The following DAAM1 variants were observed in gnomAD, a reference collection of about 807,000 sequenced individuals.
DAAM1 encodes dishevelled associated activator of morphogenesis 1, also known as disheveled-associated activator of morphogenesis 1.
Under a neutral mutation model 130.0 loss-of-function variants are expected in DAAM1, and 52 were observed. That is an observed-to-expected ratio of 0.40 (90% confidence interval 0.32 to 0.50). The LOEUF is 0.50. Ranked by LOEUF, DAAM1 falls within the 20% of genes least tolerant of loss-of-function variation. DAAM1 has a pLI of 0.61. For missense variants in DAAM1, 1,134 were observed against 1,303.8 expected (o/e 0.87, Z 2.01); for synonymous variants, 452 against 444.5 (o/e 1.02, Z -0.21).
At chr14:59,327,444 T>C (rs891211464) in intron 12 of DAAM1, among the ~76,000 whole-genome samples, 12 of 139,546 alleles carry the variant, frequency 8.6e-5, no homozygotes, top group African/African-American at 3.0e-4. Flanking sequence ...AGTCTTGCTC[T>C]GTCACCCAGG....
chr14:59,310,051 G>A (rs1884520603), intron 3 of DAAM1, among the ~76,000 whole-genome samples: 1 of 151,260 alleles, frequency 6.6e-6, no homozygotes, highest in Non-Finnish European at 1.5e-5. Flanking sequence ...AATGTTTGTT[G>A]TATTCATTAG....
At chr14:59,274,678 A>T (rs553930910) in intron 2 of DAAM1, among the ~76,000 whole-genome samples, 4 of 152,198 alleles carry the variant, frequency 2.6e-5, no homozygotes, top group Admixed American at 6.5e-5. Context: ...GTATGCATGC[A>T]TGCATGAATT....
At chr14:59,193,819 G>A (rs899785658) in intron 1 of DAAM1, among the ~76,000 whole-genome samples, 4 of 152,158 alleles carry the variant, frequency 2.6e-5, no homozygotes, top group Non-Finnish European at 5.9e-5. Flanking sequence ...TCTAGCTCAG[G>A]TGCCACAGCT....
intron 1 of DAAM1, among the ~76,000 whole-genome samples, chr14:59,239,617 G>A (rs1030756074): frequency 1.3e-5 from 2 of 151,878 alleles, no homozygotes; most frequent in African/African-American, 2.4e-5. Context: ...GTGTTTTGTC[G>A]TATGCTTCCC....
intron 22 of DAAM1, among the ~76,000 whole-genome samples, chr14:59,361,796 G>A (rs766875818): frequency 1.3e-5 from 2 of 152,158 alleles, no homozygotes; most frequent in Non-Finnish European, 2.9e-5. Flanking sequence ...TGCTCTGGGT[G>A]AAGGAGACGG....
intron 1 of DAAM1, among the ~76,000 whole-genome samples, chr14:59,203,158 A>ATTT (rs57437992): frequency 4.6e-5 from 5 of 108,114 alleles, no homozygotes; most frequent in African/African-American, 6.9e-5. Context: ...CTTCTGGCTA[A>ATTT]TTTTTTTTTT....
chr14:59,242,025 G>T (rs968156438), intron 1 of DAAM1, among the ~76,000 whole-genome samples: 2 of 152,090 alleles, frequency 1.3e-5, no homozygotes, highest in African/African-American at 4.8e-5. Flanking sequence ...TATTTCATTA[G>T]GTGTTAAAAC....
chr14:59,361,678 C>T (rs924831116), intron 22 of DAAM1, among the ~76,000 whole-genome samples: 7 of 152,190 alleles, frequency 4.6e-5, no homozygotes, highest in Non-Finnish European at 1.0e-4. Flanking sequence ...CAGTGCCCTG[C>T]GGGTACTCTG....
intron 2 of DAAM1, among the ~76,000 whole-genome samples, chr14:59,278,280 G>A (rs1883057470): frequency 6.6e-6 from 1 of 152,124 alleles, no homozygotes; most frequent in Non-Finnish European, 1.5e-5. Flanking sequence ...AAGATCATCT[G>A]CTGCGGGTGA....
At chr14:59,204,817 A>AG (rs1462798194) in intron 1 of DAAM1, among the ~76,000 whole-genome samples, 1 of 152,202 alleles carries the variant, frequency 6.6e-6, no homozygotes, top group Non-Finnish European at 1.5e-5. Context: ...GGGTCACTTG[A>AG]GGTCAGGAGT....
At position 59,261,885 on chromosome 14, in the gene DAAM1, T is replaced by C. The variant is rs74854965; in HGVS notation, c.-37-1556T>C. Among the ~76,000 whole-genome samples the C allele has an allele frequency of 7.2e-3, 1,100 of 152,302 alleles. 15 individuals are homozygous for C. The highest frequency in any genetic ancestry group is 0.026 in the African/African-American group (1,067 of 41,568). On this transcript the variant is annotated intron_variant, in intron 1 of 24. Coordinates refer to ENST00000360909, the MANE Select transcript of DAAM1 (RefSeq NM_001270520.2). ...GCATCTGTTTTCTCACTGTCCACATTTGTTAAATGTTGACAAACTTGACCC... is the reference window on the plus strand; with the variant it reads ...GCATCTGTTTTCTCACTGTCCACATCTGTTAAATGTTGACAAACTTGACCC...
At chr14:59,283,432 A>G (rs1481618514) in intron 2 of DAAM1, among the ~76,000 whole-genome samples, 1 of 152,154 alleles carries the variant, frequency 6.6e-6, no homozygotes. Context: ...TCTGTAAAAA[A>G]TCCCTCATTG....
chr14:59,331,059 G>A (rs1031130662), intron 13 of DAAM1, 150 bp from the exon 14 acceptor site: 19 of 1,353,292 alleles, frequency 1.4e-5, no homozygotes, highest in Non-Finnish European at 1.8e-5. Context: ...AGGCCCAAAA[G>A]AGTCCATTCG....
In DAAM1 at chr14:59,363,686, C is replaced by G; in HGVS notation, c.2730C>G (p.Pro910=). The G allele has an allele frequency of 5.6e-6, 9 of 1,614,114 alleles. No individual in the cohort carries two copies. The highest frequency in any genetic ancestry group is 1.6e-4 in the Middle Eastern group (1 of 6,062). ...ATCAGAAGTCTCAGCCCCCACAGCC[C>G]GGAGATAAGTTTGTGTCTGTTGTCA... ...LEYQKSQPPQ[P]GDKFVSVVSQ... is the part of the protein sequence containing the mutation. Residue 910 remains proline (P), a synonymous_variant, in exon 23 of 25, where the codon CCC becomes CCG. Coordinates refer to ENST00000360909, the MANE Select transcript of DAAM1 (RefSeq NM_001270520.2).
At chr14:59,325,759 G>T in intron 9 of DAAM1, 29 bp downstream of exon 9, 1 of 1,610,724 alleles carries the variant, frequency 6.2e-7, no homozygotes, top group South Asian at 1.1e-5. Flanking sequence ...ATTCTGGTTT[G>T]ATTCATCAGT....
intron 16 of DAAM1, among the ~76,000 whole-genome samples, chr14:59,344,013 G>C (rs1395735118): frequency 4.6e-5 from 7 of 152,150 alleles, no homozygotes; most frequent in Non-Finnish European, 1.0e-4. Context: ...AATTTACTCT[G>C]TTTTATTCCC....
At chr14:59,301,833 G>A (rs1328948620) in intron 3 of DAAM1, among the ~76,000 whole-genome samples, 2 of 152,170 alleles carry the variant, frequency 1.3e-5, no homozygotes, top group Admixed American at 1.3e-4. Context: ...CTACAGACAA[G>A]TCAATTTATG....
intron 3 of DAAM1, among the ~76,000 whole-genome samples, chr14:59,310,608 A>G (rs1419747085): frequency 2.0e-5 from 3 of 152,222 alleles, no homozygotes; most frequent in Non-Finnish European, 4.4e-5. Context: ...AATGATCACA[A>G]TAAAATTCAC....
intron 3 of DAAM1, among the ~76,000 whole-genome samples, chr14:59,307,563 G>C (rs1031985996): frequency 1.3e-5 from 2 of 152,084 alleles, no homozygotes; most frequent in Non-Finnish European, 2.9e-5. Context: ...TTTTATTTTT[G>C]AATACGTGAT....
Sources: gnomAD v4.1 joint callset for allele counts (sites outside exome capture counted in the v4.1 genomes callset) on GRCh38, gnomAD v4.1.1 for gene constraint, MANE v1.5 for transcripts, NCBI Gene and HGNC (gene_info 2026-07-23, HGNC 2026-07-21) for gene names.